The following SORBS2 variants were observed in gnomAD, a reference collection of about 807,000 sequenced individuals.
SORBS2 encodes the protein sorbin and SH3 domain-containing protein 2.
A neutral mutation model predicts 97.7 loss-of-function variants in SORBS2; 46 were observed. That is an observed-to-expected ratio of 0.47 (90% CI 0.37 to 0.60). SORBS2 has a LOEUF of 0.60. Among genes scored for constraint, SORBS2 ranks in the 20% least tolerant of loss-of-function variants. SORBS2 has a pLI of 0.00. For synonymous variants in SORBS2, 476 were observed against 473.4 expected (o/e 1.01, Z -0.07); for missense variants, 1,316 against 1,282.3 (o/e 1.03, Z -0.40).
At chr4:185,793,258 T>C (rs1367295958) in intron 1 of SORBS2, among the ~76,000 whole-genome samples, 1 of 152,224 alleles carries the variant, frequency 6.6e-6, no homozygotes, top group Non-Finnish European at 1.5e-5. Flanking sequence ...GCTTCAGGAT[T>C]GTGGCACTGC....
In SORBS2 at chr4:185,591,956, C is replaced by T. The variant is rs997684356; in HGVS notation, c.2846+1930G>A. 7.2e-5 allele frequency: 11 copies of T among 152,330 alleles called. No homozygotes were observed. The East Asian group carries it at 1.7e-3, about 24-fold the overall frequency. The allele number at this position is 152,330 out of a possible 1,614,324, so 9.4% of individuals were successfully genotyped here. On this transcript the variant is annotated intron_variant, in intron 13 of 14. Coordinates refer to ENST00000418609, the Ensembl canonical transcript of SORBS2. ...GAAAACCCACGGAGTTTTATGGAAA[C>T]GTAAACACACCTTCAGGAAATCCTC...
chr4:185,802,110 C>T (rs2099133843), intron 1 of SORBS2, among the ~76,000 whole-genome samples: 1 of 152,226 alleles, frequency 6.6e-6, no homozygotes, highest in Non-Finnish European at 1.5e-5. Flanking sequence ...ATTCTCTGAG[C>T]AATTTATTAT....
At chr4:185,928,552 C>T (rs62336483) in intron 1 of SORBS2, among the ~76,000 whole-genome samples, 47,082 of 151,754 alleles carry the variant, frequency 0.31, 8,126 homozygotes, top group East Asian at 0.52. Flanking sequence ...GAAGCTTCTT[C>T]TTCTTTTTTT....
At chr4:185,717,784 G>A (rs2098478041) in intron 2 of SORBS2, among the ~76,000 whole-genome samples, 1 of 152,160 alleles carries the variant, frequency 6.6e-6, no homozygotes, top group Non-Finnish European at 1.5e-5. Context: ...ATCAGGTAGG[G>A]CTTAAAAGTC....
chr4:185,624,253 T>C (rs745623510), exon 7 of SORBS2: 1 of 1,614,218 alleles, frequency 6.2e-7, no homozygotes, highest in Admixed American at 1.7e-5. Context: ...AGTCGTCGTT[T>C]AGGAGATCGT....
chr4:185,733,678 G>A (rs1031332201), intron 2 of SORBS2, among the ~76,000 whole-genome samples: 44 of 152,230 alleles, frequency 2.9e-4, no homozygotes, highest in African/African-American at 1.1e-3. Context: ...TTTAGGACAA[G>A]GGGATCAGTT....
intron 2 of SORBS2, among the ~76,000 whole-genome samples, chr4:185,769,969 G>A (rs56269852): frequency 9.1e-6 from 1 of 110,190 alleles, no homozygotes; most frequent in Non-Finnish European, 2.0e-5. Flanking sequence ...TTGGAGTAAA[G>A]GGCACTGTAC....
chr4:185,810,935 T>C (rs774923826), intron 1 of SORBS2: 1 of 152,234 alleles, frequency 6.6e-6, no homozygotes, highest in Non-Finnish European at 1.5e-5. Context: ...TACTGCCACA[T>C]ACCTCAGCTG....
At chr4:185,614,770 T>C in intron 11 of SORBS2, 61 bp downstream of exon 23, 3 of 1,590,398 alleles carry the variant, frequency 1.9e-6, no homozygotes, top group Non-Finnish European at 1.7e-6. Flanking sequence ...TATACAGCCT[T>C]TTCAAACCCA....
rs116186949 is a variant in SORBS2, at chr4:185,635,423, C to T, written c.397-4825G>A. On this transcript the variant is annotated intron_variant, in intron 4 of 14. Coordinates refer to ENST00000418609, the Ensembl canonical transcript of SORBS2. ...GGCTTTTTAGGAGGCTGGGTGTAGA[C>T]GCACCACAGAAGCAGAAGTGTAGGG... The T allele has an allele frequency of 3.7e-3, 5,987 of 1,608,640 alleles. 17 individuals are homozygous for T. The highest frequency in any genetic ancestry group is 4.4e-3 in the Non-Finnish European group (5,215 of 1,175,518).
At chr4:185,591,763 A>C (rs1166701689) in intron 13 of SORBS2, 1 of 152,192 alleles carries the variant, frequency 6.6e-6, no homozygotes, top group Non-Finnish European at 1.5e-5. Context: ...CCGGTTACCT[A>C]AGGCTGCAAA....
At chr4:185,840,373 G>C (rs34510106) in intron 1 of SORBS2, among the ~76,000 whole-genome samples, 44,515 of 151,964 alleles carry the variant, frequency 0.29, 7,015 homozygotes, top group South Asian at 0.35. Flanking sequence ...TTTTGGTGTG[G>C]TTCTTTCATA....
chr4:185,909,244 A>G (rs980663865), intron 1 of SORBS2, among the ~76,000 whole-genome samples: 2 of 152,266 alleles, frequency 1.3e-5, no homozygotes, highest in Non-Finnish European at 2.9e-5. Flanking sequence ...TTTTTGCAGC[A>G]TAATGAATGG....
At chr4:185,837,560 G>C (rs1173835023) in intron 1 of SORBS2, among the ~76,000 whole-genome samples, 1 of 152,130 alleles carries the variant, frequency 6.6e-6, no homozygotes, top group Non-Finnish European at 1.5e-5. Flanking sequence ...ATTGCTTTGC[G>C]GAAGTGGCTT....
chr4:185,666,110 A>C, intron 4 of SORBS2: 1 of 1,289,726 alleles, frequency 7.8e-7, no homozygotes, highest in South Asian at 1.2e-5. Flanking sequence ...GGTACCACGG[A>C]AGGAGGGCAC....
At chr4:185,693,116 G>A (rs1024522440) in intron 2 of SORBS2, among the ~76,000 whole-genome samples, 7 of 152,148 alleles carry the variant, frequency 4.6e-5, no homozygotes, top group Non-Finnish European at 7.3e-5. Flanking sequence ...ACAGGGTTAT[G>A]GGGAACTTCA....
chr4:185,727,159 C>T (rs901172182), intron 2 of SORBS2, among the ~76,000 whole-genome samples: 4 of 152,184 alleles, frequency 2.6e-5, no homozygotes, highest in African/African-American at 9.7e-5. Flanking sequence ...ATTTCCATGG[C>T]TACTAAACGA....
At chr4:185,906,848 G>A (rs1026233949) in intron 1 of SORBS2, among the ~76,000 whole-genome samples, 7 of 152,160 alleles carry the variant, frequency 4.6e-5, no homozygotes, top group African/African-American at 1.2e-4. Flanking sequence ...GGAAGAGGCC[G>A]GGCGCAGTGC....
intron 1 of SORBS2, among the ~76,000 whole-genome samples, chr4:185,791,567 CTTGT>C (rs1028364973): frequency 3.3e-5 from 5 of 152,014 alleles, no homozygotes; most frequent in African/African-American, 1.2e-4. Context: ...GACCTCTTGA[CTTGT>C]TTTTTATTTT....
Sources: allele counts gnomAD v4.1 joint callset (sites outside exome capture counted in the v4.1 genomes callset), GRCh38; gene constraint gnomAD v4.1.1; transcripts MANE v1.5; gene names NCBI Gene and HGNC (gene_info 2026-07-23, HGNC 2026-07-21).